Variants in PPARGC1B observed in about 807,000 individuals in gnomAD.
PPARGC1B encodes peroxisome proliferator-activated receptor gamma coactivator 1-beta.
A neutral mutation model predicts 101.6 loss-of-function variants in PPARGC1B; 34 were observed. The observed-to-expected ratio is 0.33, with a 90% CI of 0.25 to 0.45. The LOEUF (loss-of-function observed/expected upper bound fraction) is 0.45, where lower values mean the gene tolerates loss of function less well. PPARGC1B is among the 20% of genes least tolerant of loss of function. PPARGC1B has a pLI of 1.00. For missense variants in PPARGC1B, 1,234 were observed against 1,317.6 expected, an observed-to-expected ratio of 0.94 and a Z score of 0.98; for synonymous variants, 548 against 539.3, an observed-to-expected ratio of 1.02 and a Z score of -0.22.
At chr5:149,785,734 G>C (rs59801997) in intron 1 of PPARGC1B, among the ~76,000 whole-genome samples, 4,465 of 152,180 alleles carry the variant, frequency 0.029, 188 homozygotes, top group African/African-American at 0.1. Flanking sequence ...CCTGCTGTAG[G>C]TTAGCGTTGT....
intron 1 of PPARGC1B, among the ~76,000 whole-genome samples, chr5:149,768,767 C>T (rs1036582130): frequency 1.3e-5 from 2 of 151,482 alleles, no homozygotes; most frequent in Admixed American, 6.6e-5. Flanking sequence ...CCACCCACCT[C>T]GGCCTCCCAA....
chr5:149,755,074 A>ATAAT (rs1554132299), intron 1 of PPARGC1B, among the ~76,000 whole-genome samples: 1 of 100,332 alleles, frequency 1.0e-5, no homozygotes, highest in Non-Finnish European at 1.9e-5. Flanking sequence ...TATATATATA[A>ATAAT]TTTTTTTTTC....
At position 149,758,944 on chromosome 5, in the gene PPARGC1B, G is replaced by T. The variant is rs1026093838; in HGVS notation, c.78+28524G>T. 7.2e-5 allele frequency among the ~76,000 whole-genome samples: 11 copies of T among 151,990 alleles called. No homozygotes were observed. In the East Asian group the frequency reaches 2.1e-3, roughly 29 times the overall value. ...TTGTTTTTTAACTATAAAATGAAAG[G>T]CTAGTTTTAGAATTTTATTACAAAA... On this transcript the variant is annotated intron_variant, in intron 1 of 11. Transcript: ENST00000309241.
chr5:149,795,994 C>T (rs916015844), intron 1 of PPARGC1B, among the ~76,000 whole-genome samples: 4 of 152,072 alleles, frequency 2.6e-5, no homozygotes, highest in African/African-American at 9.7e-5. Flanking sequence ...TAAGAGAAGG[C>T]TCACTAAAAT....
intron 9 of PPARGC1B, among the ~76,000 whole-genome samples, chr5:149,841,265 C>T (rs892362042): frequency 2.0e-5 from 3 of 152,046 alleles, no homozygotes; most frequent in Non-Finnish European, 4.4e-5. Flanking sequence ...AGCAACCAAG[C>T]GAAGACTCAG....
At chr5:149,815,655 C>G (rs1355596787) in intron 1 of PPARGC1B, among the ~76,000 whole-genome samples, 1 of 152,184 alleles carries the variant, frequency 6.6e-6, no homozygotes, top group Non-Finnish European at 1.5e-5. Flanking sequence ...TCTTTGCCAT[C>G]CATGCCTCAG....
At chr5:149,838,471 G>C (rs962752012) in intron 8 of PPARGC1B, among the ~76,000 whole-genome samples, 1 of 152,146 alleles carries the variant, frequency 6.6e-6, no homozygotes, top group Non-Finnish European at 1.5e-5. Context: ...CCCTACAGTG[G>C]TCCAATGTCA....
intron 1 of PPARGC1B, among the ~76,000 whole-genome samples, chr5:149,747,806 G>A (rs1008956018): frequency 6.6e-6 from 1 of 152,180 alleles, no homozygotes; most frequent in Non-Finnish European, 1.5e-5. Flanking sequence ...CTGGTGGGGT[G>A]GGGGTGGACC....
intron 1 of PPARGC1B, among the ~76,000 whole-genome samples, chr5:149,811,132 G>A (rs1011363857): frequency 6.6e-6 from 1 of 152,192 alleles, no homozygotes; most frequent in Admixed American, 6.5e-5. Context: ...ATTTTTGCCA[G>A]TCTTTTGCTA....
At chr5:149,790,997 G>C (rs1030894270) in intron 1 of PPARGC1B, among the ~76,000 whole-genome samples, 1 of 152,108 alleles carries the variant, frequency 6.6e-6, no homozygotes, top group Non-Finnish European at 1.5e-5. Context: ...CTTCTTAAGA[G>C]TATTCTTTGG....
Position 149,832,781 on chromosome 5 carries a change from C to T in PPARGC1B, c.708C>T (p.Cys236=). The change falls in exon 5 of 12, where the codon TGC becomes TGT. Residue 236 remains cysteine (C), a synonymous_variant. Coordinates refer to ENST00000309241, the MANE Select transcript of PPARGC1B (RefSeq NM_133263.4). This position sits in a 1 kb window ranked among gnomAD's most constrained non-coding sequence, Gnocchi z 4.9. ...AGGATCGGGGTCTGCAGCCACCATG[C>T]CTCCAGAGTCCCCGGCTCCCTGCCA... is the stretch of plus-strand genomic sequence containing the variant. ...CLQDRGLQPP[C]LQSPRLPAKE... 1 of 1,613,178 alleles carries T rather than the reference C, an allele frequency of 6.2e-7. No homozygotes were observed. Among genetic ancestry groups the T allele is most frequent in the Non-Finnish European group, 8.5e-7 (1 of 1,179,558 alleles).
In PPARGC1B at chr5:149,853,530, G is replaced by C. The variant is rs985844022; in HGVS notation, c.*5972G>C. The C allele has an allele frequency of 1.3e-5, 2 of 152,268 alleles. No individual in the cohort carries two copies. Among genetic ancestry groups the C allele is most frequent in the Admixed American group, 1.3e-4 (2 of 15,286 alleles). The allele number at this position is 152,268 out of a possible 1,614,324, so 9.4% of individuals were successfully genotyped here. On this transcript the variant is annotated 3_prime_UTR_variant, in exon 12 of 12. Coordinates refer to ENST00000309241, the MANE Select transcript of PPARGC1B (RefSeq NM_133263.4). The surrounding 1 kb of genome is among the most constrained non-coding windows in gnomAD (Gnocchi z 4.2). Reference sequence around the variant, plus strand: ...TGCTGACCTTGTTAAGTAAACCTTTGCTGGGTGGTCCGAATTCTGCCCTCA... The same window carrying C: ...TGCTGACCTTGTTAAGTAAACCTTTCCTGGGTGGTCCGAATTCTGCCCTCA...
chr5:149,764,843 A>G (rs533368932), intron 1 of PPARGC1B, among the ~76,000 whole-genome samples: 33 of 152,354 alleles, frequency 2.2e-4, no homozygotes, highest in African/African-American at 7.7e-4. Context: ...TGAAAACCAT[A>G]CTGTTTAAGA....
chr5:149,789,149 C>T (rs6884913), intron 1 of PPARGC1B, among the ~76,000 whole-genome samples: 16,888 of 152,240 alleles, frequency 0.11, 1,077 homozygotes, highest in East Asian at 0.24. Context: ...GGCCTGTGAT[C>T]GCCTAGTAAT....
chr5:149,770,262 T>G (rs550068570), intron 1 of PPARGC1B, among the ~76,000 whole-genome samples: 1 of 152,352 alleles, frequency 6.6e-6, no homozygotes, highest in Admixed American at 6.5e-5. Context: ...TCTGGAAGCC[T>G]TCCTCTCTGG....
chr5:149,787,361 G>A (rs1201638718), intron 1 of PPARGC1B, among the ~76,000 whole-genome samples: 1 of 152,210 alleles, frequency 6.6e-6, no homozygotes, highest in South Asian at 2.1e-4. Context: ...AGCTGGGCCA[G>A]GAGGCATTGC....
At chr5:149,856,945 A>G (rs1442472451), downstream of PPARGC1B, among the ~76,000 whole-genome samples, 1 of 151,752 alleles carries the variant, frequency 6.6e-6, no homozygotes, top group Non-Finnish European at 1.5e-5. Context: ...TAATTTTTGT[A>G]TTTTTAGTAG....
rs894677125 is a variant in PPARGC1B at position 149,837,708 on chromosome 5, G to T, written c.2618+635G>T. Among the ~76,000 whole-genome samples, 8 of 152,176 alleles carry T rather than the reference G, an allele frequency of 5.3e-5. No individual in the cohort carries two copies. The highest frequency in any genetic ancestry group is 1.4e-4 in the African/African-American group (6 of 41,456). ...AAGAAGCCAGTCCAAAAGTCAGCTG[G>T]GGAGCTGGGCAGAAAAAATGGAGGT... is the stretch of plus-strand genomic sequence containing the variant. On this transcript the variant is annotated intron_variant, in intron 8 of 11. Coordinates refer to ENST00000309241, the MANE Select transcript of PPARGC1B (RefSeq NM_133263.4). The surrounding 1 kb of genome is among the most constrained non-coding windows in gnomAD (Gnocchi z 4.2).
At chr5:149,835,762 C>A (rs952548864) in intron 7 of PPARGC1B, among the ~76,000 whole-genome samples, 1 of 152,072 alleles carries the variant, frequency 6.6e-6, no homozygotes, top group Non-Finnish European at 1.5e-5. Context: ...TTCCAGCTGC[C>A]ATTAGTAGGT....
Sources: gnomAD v4.1 joint callset for allele counts (sites outside exome capture counted in the v4.1 genomes callset) on GRCh38, gnomAD v4.1.1 for gene constraint, Gnocchi (gnomAD v3.1) non-coding constraint, MANE v1.5 for transcripts, NCBI Gene and HGNC (gene_info 2026-07-23, HGNC 2026-07-21) for gene names.